Variants in VAV2 observed in about 807,000 individuals in gnomAD.
VAV2 encodes the protein vav guanine nucleotide exchange factor 2.
VAV2 carries 67 observed loss-of-function variants against 132.5 expected under a neutral mutation model. That is an observed-to-expected ratio of 0.51 (90% CI 0.42 to 0.62). The LOEUF (loss-of-function observed/expected upper bound fraction) is 0.62, where lower values mean the gene tolerates loss of function less well. Among genes scored for constraint, VAV2 ranks in the 20% least tolerant of loss-of-function variants. The probability of loss-of-function intolerance (pLI) is 0.00; values close to 1 mark genes in which losing one functional copy is unlikely to be tolerated. For synonymous variants in VAV2, 492 were observed against 443.5 expected (o/e 1.11, Z -1.37); for missense variants, 938 against 1,153.6 (o/e 0.81, Z 2.71).
chr9:133,925,318 G>C (rs1475735963), intron 2 of VAV2, among the ~76,000 whole-genome samples: 1 of 152,208 alleles, frequency 6.6e-6, no homozygotes, highest in Non-Finnish European at 1.5e-5. Flanking sequence ...CCGGGCTCAA[G>C]CAATTCTTCT....
chr9:133,840,856 G>T lies in VAV2; in HGVS notation c.381-6516C>A, dbSNP rs1276161405. On this transcript the variant is annotated intron_variant, in intron 3 of 29. Transcript: ENST00000371850. This position sits in a 1 kb window ranked among gnomAD's most constrained non-coding sequence, Gnocchi z 4.5. ...CAGGGCACCACCTGTGCCACTCACT[G>T]TGCCTACAGCTGCATGGTGGCCCCA... Among the ~76,000 whole-genome samples the T allele has an allele frequency of 6.6e-6, 1 of 152,178 alleles. No individual in the cohort carries two copies. The highest frequency in any genetic ancestry group is 1.5e-5 in the Non-Finnish European group (1 of 68,030).
intron 11 of VAV2, 37 bp downstream of exon 11, chr9:133,796,392 T>C: frequency 6.3e-7 from 1 of 1,588,304 alleles, no homozygotes. Flanking sequence ...ACTCCAGCAG[T>C]GATGACCCCG....
rs529918327 is a variant in VAV2 at position 133,812,278 on chromosome 9, G to A, written c.450-62C>T. 3.1e-5 allele frequency: 48 copies of A among 1,539,182 alleles called. No homozygotes were observed. In the East Asian group the frequency reaches 6.1e-4, roughly 19 times the overall value. On this transcript the variant is annotated intron_variant, in intron 4 of 29. Transcript: ENST00000371850. ...CTCCCGCCACCCTGACCGGGGAGCCGCAGAGCACGAGGGTCCACGAGGGAC... is the reference window on the plus strand; with the variant it reads ...CTCCCGCCACCCTGACCGGGGAGCCACAGAGCACGAGGGTCCACGAGGGAC...
chr9:133,903,652 C>A (rs1839530823), intron 2 of VAV2, among the ~76,000 whole-genome samples: 1 of 152,138 alleles, frequency 6.6e-6, no homozygotes, highest in African/African-American at 2.4e-5. Context: ...TGGTTTTGAA[C>A]CATAAAGAAA....
In VAV2 at chr9:133,910,839, A is replaced by AG. The variant is rs1476813230; in HGVS notation, c.321+28263_321+28264insC. On this transcript the variant is annotated intron_variant, in intron 2 of 29. Transcript: ENST00000371850. ...ACTCGGTCTCAAAAAAAAAAAAAAG[A>AG]AAAAGAAAAAGAAAACTGGGGACAG... 3.5e-3 allele frequency among the ~76,000 whole-genome samples: 492 copies of AG among 142,260 alleles called. 13 individuals are homozygous for AG. Among genetic ancestry groups the AG allele is most frequent in the Admixed American group, 0.032 (442 of 14,000 alleles). 93.3% of individuals were successfully genotyped at this position (142,260 alleles called of 152,430 possible).
intron 1 of VAV2, among the ~76,000 whole-genome samples, chr9:133,982,134 A>G (rs416060): frequency 0.25 from 37,476 of 152,122 alleles, 5,663 homozygotes; most frequent in Middle Eastern, 0.37. Flanking sequence ...AGCAGATGGC[A>G]GCAGTGAGCC....
At position 133,885,353 on chromosome 9, in the gene VAV2, G is replaced by A. The variant is rs1465577208; in HGVS notation, c.322-23921C>T. Among the ~76,000 whole-genome samples, 3 of 152,150 alleles carry A rather than the reference G, an allele frequency of 2.0e-5. No homozygotes were observed. The highest frequency in any genetic ancestry group is 6.5e-5 in the Admixed American group (1 of 15,268). On this transcript the variant is annotated intron_variant, in intron 2 of 29. Transcript: ENST00000371850. The surrounding 1 kb of genome is among the most constrained non-coding windows in gnomAD (Gnocchi z 5.0). ...GCTTCTTCCCCACAAGTTCAAGGTC[G>A]GTGTACTCAGGCATCCCTGTCACAT...
intron 2 of VAV2, among the ~76,000 whole-genome samples, chr9:133,930,235 CCGGCA>C (rs1840630989): frequency 6.6e-6 from 1 of 152,172 alleles, no homozygotes; most frequent in Admixed American, 6.5e-5. Flanking sequence ...TCTCTGCCTC[CCGGCA>C]TCCTCACTGC....
At chr9:133,987,473 C>G (rs1842891830) in intron 1 of VAV2, among the ~76,000 whole-genome samples, 1 of 152,216 alleles carries the variant, frequency 6.6e-6, no homozygotes, top group South Asian at 2.1e-4. Flanking sequence ...CACGATGGCA[C>G]ACATCAAAAA....
At chr9:133,987,013 TTTA>T (rs533783926) in intron 1 of VAV2, among the ~76,000 whole-genome samples, 8 of 148,702 alleles carry the variant, frequency 5.4e-5, no homozygotes, top group Admixed American at 1.3e-4. Context: ...ATTTATTTAT[TTTA>T]TTATTATTTA....
chr9:133,912,360 G>A lies in VAV2; in HGVS notation c.321+26743C>T, dbSNP rs538046915. Among the ~76,000 whole-genome samples, 66 of 152,294 alleles carry A rather than the reference G, an allele frequency of 4.3e-4. No individual in the cohort carries two copies. The highest frequency in any genetic ancestry group is 5.5e-4 in the African/African-American group (23 of 41,558). Reference sequence around the variant, plus strand: ...CCGGGCTGAACACGAGGCTATGTCCGTCCAAATCCCCACAGTCCTGCCACA... The same window carrying A: ...CCGGGCTGAACACGAGGCTATGTCCATCCAAATCCCCACAGTCCTGCCACA... On this transcript the variant is annotated intron_variant, in intron 2 of 29. Coordinates refer to ENST00000371850, the MANE Select transcript of VAV2 (RefSeq NM_001134398.2). The surrounding 1 kb of genome is among the most constrained non-coding windows in gnomAD (Gnocchi z 4.3).
At position 133,794,737 on chromosome 9, in the gene VAV2, G is replaced by T. The variant is rs999047961; in HGVS notation, c.1101+931C>A. Among the ~76,000 whole-genome samples the T allele has an allele frequency of 6.6e-6, 1 of 152,214 alleles. No homozygotes were observed. Among genetic ancestry groups the T allele is most frequent in the Non-Finnish European group, 1.5e-5 (1 of 68,024 alleles). ...GTCGTCATCCCTCCACCCAGATGCA[G>T]CTGGAGGGGACCTACCACATGCCAG... On this transcript the variant is annotated intron_variant, in intron 12 of 29. Coordinates refer to ENST00000371850, the MANE Select transcript of VAV2 (RefSeq NM_001134398.2). The surrounding 1 kb of genome is among the most constrained non-coding windows in gnomAD (Gnocchi z 4.6).
intron 11 of VAV2, 77 bp downstream of exon 11, chr9:133,796,352 T>C (rs867726012): frequency 1.6e-6 from 2 of 1,285,446 alleles, no homozygotes; most frequent in Middle Eastern, 1.9e-4. Flanking sequence ...CTGCAACCTA[T>C]ACCCCCTGGA....
intron 5 of VAV2, among the ~76,000 whole-genome samples, 163 bp downstream of exon 5, chr9:133,811,951 T>C (rs1461645646): frequency 2.0e-5 from 3 of 152,116 alleles, no homozygotes; most frequent in Admixed American, 1.3e-4. Context: ...CCGTGGGGAC[T>C]GGGAAGGACC....
At position 133,779,950 on chromosome 9, in the gene VAV2, A is replaced by G. The variant is rs372894546; in HGVS notation, c.1741-11T>C. The stretch of plus-strand genomic sequence containing the variant: ...CGCTCCGGAGGCGTCCTGTGAGGAC[A>G]AGGACAGAACACAGAGATGAGGGAA... On this transcript the variant is annotated splice_polypyrimidine_tract_variant and intron_variant, in intron 20 of 29. Transcript: ENST00000371850. 31 of 1,612,432 alleles carry G rather than the reference A, an allele frequency of 1.9e-5. No homozygotes were observed. In the African/African-American group the frequency reaches 3.5e-4, roughly 18 times the overall value.
At chr9:133,800,602 G>A (rs1254116242) in intron 9 of VAV2, among the ~76,000 whole-genome samples, 1 of 152,216 alleles carries the variant, frequency 6.6e-6, no homozygotes, top group African/African-American at 2.4e-5. Flanking sequence ...GTCGAGGCAA[G>A]TCTTCATGTA....
rs180843003 is a variant in VAV2, at chr9:133,785,960, C to T, written c.1423-75G>A. 3.7e-6 allele frequency: 5 copies of T among 1,341,698 alleles called. No homozygotes were observed. In the Admixed American group the frequency reaches 5.3e-5, roughly 14 times the overall value. The allele number at this position is 1,341,698 out of a possible 1,614,324, so 83.1% of individuals were successfully genotyped here. On this transcript the variant is annotated intron_variant, in intron 16 of 29. Coordinates refer to ENST00000371850, the MANE Select transcript of VAV2 (RefSeq NM_001134398.2). ...CCTGGCACATGTCCACGTGTACTCTCGCCTGTGCAGCATGTGCACGTGTGT... is the reference window on the plus strand; with the variant it reads ...CCTGGCACATGTCCACGTGTACTCTTGCCTGTGCAGCATGTGCACGTGTGT...
chr9:133,854,158 T>C (rs1474184228), intron 3 of VAV2, among the ~76,000 whole-genome samples: 3 of 145,416 alleles, frequency 2.1e-5, no homozygotes, highest in Non-Finnish European at 4.5e-5. Context: ...CACACACACA[T>C]CTGCATATGC....
At chr9:133,958,952 G>A (rs1215596761) in intron 1 of VAV2, among the ~76,000 whole-genome samples, 3 of 152,140 alleles carry the variant, frequency 2.0e-5, no homozygotes, top group Non-Finnish European at 4.4e-5. Flanking sequence ...TCCCTGCCCC[G>A]CCCCAGGTGT....
Sources: gnomAD v4.1 joint callset for allele counts (sites outside exome capture counted in the v4.1 genomes callset) on GRCh38, gnomAD v4.1.1 for gene constraint, Gnocchi (gnomAD v3.1) non-coding constraint, MANE v1.5 for transcripts, NCBI Gene and HGNC (gene_info 2026-07-23, HGNC 2026-07-21) for gene names.